Variants in PLA2R1 observed in about 807,000 individuals in gnomAD.
PLA2R1 encodes the protein secretory phospholipase A2 receptor.
Under a neutral mutation model 195.9 loss-of-function variants are expected in PLA2R1, and 158 were observed. The ratio of observed to expected loss-of-function variants is 0.81; its 90% CI spans 0.71 to 0.92. PLA2R1 has a LOEUF of 0.92. Among genes scored for constraint, PLA2R1 ranks in the 40% least tolerant of loss-of-function variants. The probability of loss-of-function intolerance (pLI) is 0.00; values close to 1 mark genes in which losing one functional copy is unlikely to be tolerated. For synonymous variants in PLA2R1, 586 were observed against 598.2 expected (o/e 0.98, Z 0.30); for missense variants, 1,626 against 1,764.6 (o/e 0.92, Z 1.41).
intron 11 of PLA2R1, among the ~76,000 whole-genome samples, chr2:159,993,212 T>C (rs756676750): frequency 6.6e-6 from 1 of 152,074 alleles, no homozygotes; most frequent in Non-Finnish European, 1.5e-5. Flanking sequence ...GTGGCAATAA[T>C]TAGTATGGAT....
intron 17 of PLA2R1, among the ~76,000 whole-genome samples, chr2:159,971,488 A>G (rs112535048): frequency 3.5e-4 from 25 of 71,974 alleles, no homozygotes; most frequent in African/African-American, 7.1e-4. Context: ...ACACACACAC[A>G]TACACACACA....
At chr2:159,981,558 A>G (rs1050452149) in intron 13 of PLA2R1, among the ~76,000 whole-genome samples, 3 of 151,910 alleles carry the variant, frequency 2.0e-5, no homozygotes, top group Admixed American at 2.0e-4. Context: ...GATGTGTGCC[A>G]CTACACCTGG....
At chr2:160,060,653 C>T (rs915993760) in intron 1 of PLA2R1, among the ~76,000 whole-genome samples, 1 of 152,170 alleles carries the variant, frequency 6.6e-6, no homozygotes, top group African/African-American at 2.4e-5. Flanking sequence ...TCAGAGTGCC[C>T]TTGACTACTA....
At chr2:160,052,162 T>C (rs918351151) in intron 1 of PLA2R1, among the ~76,000 whole-genome samples, 2 of 152,182 alleles carry the variant, frequency 1.3e-5, no homozygotes, top group Non-Finnish European at 2.9e-5. Context: ...TCTCACCTAA[T>C]TGCCTCTCCA....
chr2:159,950,802 T>C (rs1218247644), intron 24 of PLA2R1, among the ~76,000 whole-genome samples: 2 of 152,164 alleles, frequency 1.3e-5, no homozygotes, highest in African/African-American at 4.8e-5. Flanking sequence ...GGGGTCAGGA[T>C]AGACTAGTTT....
intron 14 of PLA2R1, 86 bp from the exon 15 acceptor site, chr2:159,977,502 C>A (rs1411082657): frequency 5.3e-6 from 6 of 1,124,734 alleles, no homozygotes; most frequent in South Asian, 1.5e-5. Context: ...TGTACATAAG[C>A]ATTATAGGCT....
Position 160,005,706 on chromosome 2 carries a change from C to G in PLA2R1, c.1780G>C (p.Val594Leu), listed in dbSNP as rs1389855290. Residue 594 changes from valine to leucine, a missense_variant, in exon 11 of 30, where the codon GTA (valine) becomes CTA (leucine). Physicochemically the swap from Val to Leu is conservative, Grantham distance 32 (BLOSUM62 1). Transcript: ENST00000283243. ...TGCACCGGCTCGGGTTTCTGCCCTACTGGCTTCCAAGTGTATTCTCCCGTA... is the reference window on the plus strand; with the variant it reads ...TGCACCGGCTCGGGTTTCTGCCCTAGTGGCTTCCAAGTGTATTCTCCCGTA... ...NDTGEYTWKP[V>L]GQKPEPVQYT... 1 of 1,614,092 alleles carries G rather than the reference C, an allele frequency of 6.2e-7. No individual in the cohort carries two copies. Among genetic ancestry groups the G allele is most frequent in the African/African-American group, 1.3e-5 (1 of 75,032 alleles).
intron 3 of PLA2R1, 90 bp from the exon 4 acceptor site, chr2:160,033,222 TC>T: frequency 1.0e-6 from 1 of 971,884 alleles, no homozygotes; most frequent in Non-Finnish European, 1.5e-6. Flanking sequence ...AATTATTCCA[TC>T]TTGCAATCTC....
At chr2:160,038,795 T>C (rs1050154751) in intron 3 of PLA2R1, among the ~76,000 whole-genome samples, 1 of 152,102 alleles carries the variant, frequency 6.6e-6, no homozygotes, top group Non-Finnish European at 1.5e-5. Context: ...TGAGCCATGT[T>C]GAGGGCTCAG....
chr2:160,023,140 G>A (rs883423), intron 6 of PLA2R1, among the ~76,000 whole-genome samples: 105,779 of 151,970 alleles, frequency 0.7, 37,431 homozygotes, highest in East Asian at 0.87. Flanking sequence ...CAGCAAGATG[G>A]CCGATAGAGA....
At chr2:159,967,911 C>A (rs1688892158) in intron 19 of PLA2R1, among the ~76,000 whole-genome samples, 1 of 152,048 alleles carries the variant, frequency 6.6e-6, no homozygotes, top group Admixed American at 6.6e-5. Context: ...TTAAAAAAAT[C>A]TAAATAAATA....
intron 6 of PLA2R1, among the ~76,000 whole-genome samples, chr2:160,023,538 C>T (rs549694181): frequency 8.5e-5 from 13 of 152,266 alleles, no homozygotes; most frequent in African/African-American, 2.9e-4. Flanking sequence ...TACCCCGTTC[C>T]CAGAAAACTC....
chr2:159,969,217 G>C (rs1688982379), intron 19 of PLA2R1, 39 bp downstream of exon 19: 4 of 982,672 alleles, frequency 4.1e-6, no homozygotes, highest in Non-Finnish European at 3.2e-6. Flanking sequence ...AAAATTATCA[G>C]TTTGTATTAT....
At chr2:160,015,962 T>C (rs1027365550) in intron 9 of PLA2R1, among the ~76,000 whole-genome samples, 6 of 152,164 alleles carry the variant, frequency 3.9e-5, no homozygotes, top group African/African-American at 1.2e-4. Flanking sequence ...GACATCTCAC[T>C]TGAAAACTAG....
chr2:159,946,025 A>C, intron 27 of PLA2R1: 1 of 984,618 alleles, frequency 1.0e-6, no homozygotes, highest in East Asian at 1.1e-4. Flanking sequence ...ACTTTCTAAA[A>C]AGATTTTACA....
intron 1 of PLA2R1, among the ~76,000 whole-genome samples, 158 bp downstream of exon 1, chr2:160,062,136 TC>T (rs1283584058): frequency 6.7e-6 from 1 of 149,776 alleles, no homozygotes; most frequent in Non-Finnish European, 1.5e-5. Context: ...CACCACCCGC[TC>T]CCCCCATGCT....
chr2:159,977,356 A>G lies in PLA2R1; in HGVS notation c.2329T>C (p.Tyr777His), dbSNP rs1689636297. 6.2e-7 allele frequency: 1 copy of G among 1,612,888 alleles called. No homozygotes were observed. ...FGEDARNCAVYKANKTLLPLH... is the reference protein window; with the variant it reads ...FGEDARNCAVHKANKTLLPLH... ...GGCAGCAATGTTTTGTTTGCCTTAT[A>G]AACAGCACAGTTTCTTGCATCTTCT... is the stretch of plus-strand genomic sequence containing the variant. Residue 777 changes from tyrosine to histidine, a missense_variant, in exon 15 of 30, where the codon TAT becomes CAT. Coordinates refer to ENST00000283243, the MANE Select transcript of PLA2R1 (RefSeq NM_007366.5).
intron 11 of PLA2R1, among the ~76,000 whole-genome samples, chr2:159,991,123 A>G (rs1195735929): frequency 6.6e-6 from 1 of 152,224 alleles, no homozygotes; most frequent in East Asian, 1.9e-4. Flanking sequence ...AAGCAGTTGA[A>G]TAAATGAATG....
chr2:159,941,455 G>A lies in PLA2R1; in HGVS notation c.*323C>T, dbSNP rs544931411. On this transcript the variant is annotated 3_prime_UTR_variant, in exon 30 of 30. Coordinates refer to ENST00000283243, the MANE Select transcript of PLA2R1 (RefSeq NM_007366.5). The stretch of plus-strand genomic sequence containing the variant: ...TAAAATTCCCCCAAATTTTAGTAGA[G>A]ATACATTAATGCAAAAACTATTATT... 1.7e-5 allele frequency: 3 copies of A among 178,970 alleles called. No individual in the cohort carries two copies. The highest frequency in any genetic ancestry group is 7.1e-5 in the African/African-American group (3 of 42,194). 11.1% of individuals were successfully genotyped at this position (178,970 alleles called of 1,614,324 possible).
Sources: allele counts gnomAD v4.1 joint callset (sites outside exome capture counted in the v4.1 genomes callset), GRCh38; gene constraint gnomAD v4.1.1; transcripts MANE v1.5; gene names NCBI Gene and HGNC (gene_info 2026-07-23, HGNC 2026-07-21).